The following GNB4 variants were observed in gnomAD, a reference collection of about 807,000 sequenced individuals.
GNB4 encodes the protein G protein subunit beta 4.
GNB4 carries 28 observed loss-of-function variants against 45.2 expected under a neutral mutation model. The observed-to-expected ratio is 0.62, with a 90% CI of 0.46 to 0.85. The LOEUF (loss-of-function observed/expected upper bound fraction) is 0.85. Ranked by LOEUF, GNB4 falls within the 40% of genes least tolerant of loss-of-function variation. The pLI is 0.00. For synonymous variants in GNB4, 132 were observed against 143.7 expected (o/e 0.92, Z 0.58); for missense variants, 321 against 425.4 (o/e 0.75, Z 2.16).
At chr3:179,406,792 T>C (rs1714483921) in intron 8 of GNB4, among the ~76,000 whole-genome samples, 2 of 152,062 alleles carry the variant, frequency 1.3e-5, no homozygotes, top group African/African-American at 4.8e-5. Flanking sequence ...TTTTTGCATT[T>C]TTAGTAGAGA....
At chr3:179,497,131 A>G in the GNB4 span, among the ~76,000 whole-genome samples, 4 of 152,160 alleles carry the variant, frequency 2.6e-5, no homozygotes, top group African/African-American at 9.6e-5. Context: ...TAATCAAAAC[A>G]TTATAGCACT....
chr3:179,486,244 A>G, the GNB4 span, among the ~76,000 whole-genome samples: 2 of 151,978 alleles, frequency 1.3e-5, no homozygotes, highest in Non-Finnish European at 2.9e-5. Flanking sequence ...AAAAAGTAAA[A>G]GATGCATGTT....
the GNB4 span, among the ~76,000 whole-genome samples, chr3:179,480,241 A>T: frequency 4.1e-4 from 63 of 152,210 alleles, no homozygotes; most frequent in African/African-American, 1.4e-3. Context: ...TAAATTACCC[A>T]GTCTGTGGTA....
chr3:179,456,281 C>T (rs997919356), upstream of GNB4, among the ~76,000 whole-genome samples: 4 of 151,784 alleles, frequency 2.6e-5, no homozygotes, highest in African/African-American at 4.8e-5. Flanking sequence ...TTTGTAGAGG[C>T]GGGGTTTCAC....
chr3:179,488,228 T>G, the GNB4 span, among the ~76,000 whole-genome samples: 4 of 152,180 alleles, frequency 2.6e-5, no homozygotes, highest in African/African-American at 9.7e-5. Context: ...GGCTGCACAT[T>G]TGTGAGCCTT....
At chr3:179,502,557 G>C in the GNB4 span, among the ~76,000 whole-genome samples, 1 of 151,832 alleles carries the variant, frequency 6.6e-6, no homozygotes, top group South Asian at 2.1e-4. Context: ...TTTATGTTTT[G>C]GTTGCCACCG....
chr3:179,503,807 A>G, the GNB4 span, among the ~76,000 whole-genome samples: 1 of 152,242 alleles, frequency 6.6e-6, no homozygotes, highest in African/African-American at 2.4e-5. Context: ...GGATTAAATT[A>G]AAGGGCAGTG....
chr3:179,463,427 A>T, the GNB4 span, among the ~76,000 whole-genome samples: 1 of 152,230 alleles, frequency 6.6e-6, no homozygotes, highest in Non-Finnish European at 1.5e-5. Flanking sequence ...TACTATGTTA[A>T]TAATAGTAAA....
chr3:179,512,913 G>T, the GNB4 span, among the ~76,000 whole-genome samples: 1 of 152,014 alleles, frequency 6.6e-6, no homozygotes, highest in Admixed American at 6.6e-5. Context: ...TTTTCCAAAC[G>T]TGTTACCATT....
At chr3:179,489,018 A>T in the GNB4 span, among the ~76,000 whole-genome samples, 149 of 53,624 alleles carry the variant, frequency 2.8e-3, 9 homozygotes, top group Non-Finnish European at 4.1e-3. Flanking sequence ...AAAAAAAAAA[A>T]AATATATATA....
intron 9 of GNB4, among the ~76,000 whole-genome samples, chr3:179,402,978 C>G (rs1714347965): frequency 6.6e-6 from 1 of 152,214 alleles, no homozygotes; most frequent in Non-Finnish European, 1.5e-5. Flanking sequence ...ATTGATAAAA[C>G]TGTGCTGAAA....
chr3:179,498,028 G>A, the GNB4 span, among the ~76,000 whole-genome samples: 470 of 152,282 alleles, frequency 3.1e-3, 2 homozygotes, highest in African/African-American at 0.01. Flanking sequence ...TGATCCAGCA[G>A]TCCCACTTCT....
chr3:179,428,234 T>TA (rs1715201695), intron 1 of GNB4, among the ~76,000 whole-genome samples: 2 of 152,230 alleles, frequency 1.3e-5, no homozygotes, highest in African/African-American at 4.8e-5. Flanking sequence ...CCAGAAGAAC[T>TA]AAAATCATTC....
At chr3:179,472,698 C>T in the GNB4 span, among the ~76,000 whole-genome samples, 34 of 152,110 alleles carry the variant, frequency 2.2e-4, no homozygotes, top group East Asian at 5.6e-3. Flanking sequence ...TAAAAGAAAA[C>T]GTTTAAGTAA....
the GNB4 span, among the ~76,000 whole-genome samples, chr3:179,479,606 C>T: frequency 2.0e-5 from 3 of 152,184 alleles, no homozygotes; most frequent in African/African-American, 7.2e-5. Context: ...TGTACACACA[C>T]ACACAGTCAT....
chr3:179,422,815 CAG>C (rs1715030425), intron 2 of GNB4, among the ~76,000 whole-genome samples: 2 of 151,854 alleles, frequency 1.3e-5, no homozygotes, highest in Non-Finnish European at 2.9e-5. Flanking sequence ...TTTTTTGAGA[CAG>C]AGTCTTGCTC....
At chr3:179,475,620 A>G in the GNB4 span, among the ~76,000 whole-genome samples, 1,151 of 151,472 alleles carry the variant, frequency 7.6e-3, 6 homozygotes, top group Non-Finnish European at 0.013. Flanking sequence ...CTACAGGTGC[A>G]TGCCACCACA....
chr3:179,465,525 C>T, the GNB4 span, among the ~76,000 whole-genome samples: 1 of 151,994 alleles, frequency 6.6e-6, no homozygotes, highest in Non-Finnish European at 1.5e-5. Context: ...AGGAGAATGA[C>T]ATGAACCCAG....
At chr3:179,414,774 C>T (rs183863552) in intron 6 of GNB4, 111 bp downstream of exon 6, 1 of 713,768 alleles carries the variant, frequency 1.4e-6, no homozygotes. Flanking sequence ...TCATTCCCAC[C>T]CGATTAATCC....
Sources: allele counts gnomAD v4.1 joint callset (sites outside exome capture counted in the v4.1 genomes callset), GRCh38; gene constraint gnomAD v4.1.1; transcripts MANE v1.5; gene names NCBI Gene and HGNC (gene_info 2026-07-23, HGNC 2026-07-21).